SPIDR: variants seen among roughly 807,000 people sequenced by gnomAD.
The protein encoded by SPIDR is DNA repair-scaffolding protein.
Under a neutral mutation model 104.6 loss-of-function variants are expected in SPIDR, and 93 were observed. The observed-to-expected ratio is 0.89, with a 90% CI of 0.75 to 1.06. SPIDR has a LOEUF of 1.06. Among genes scored for constraint, SPIDR ranks in the 50% least tolerant of loss-of-function variants. The pLI is 0.00. For synonymous variants in SPIDR, 431 were observed against 416.9 expected (o/e 1.03, Z -0.41); for missense variants, 1,154 against 1,111.2 (o/e 1.04, Z -0.55).
intron 8 of SPIDR, among the ~76,000 whole-genome samples, chr8:47,552,358 A>G (rs934731712): frequency 3.1e-4 from 47 of 152,236 alleles, no homozygotes; most frequent in Middle Eastern, 3.4e-3. Flanking sequence ...TCTGTCTAAT[A>G]TTTACAGTGG....
intron 8 of SPIDR, among the ~76,000 whole-genome samples, chr8:47,477,235 T>C (rs2076393773): frequency 6.6e-6 from 1 of 152,136 alleles, no homozygotes; most frequent in African/African-American, 2.4e-5. Context: ...AGTCTCGCTC[T>C]GTTGCCCAGG....
chr8:47,729,466 G>GTAAGTGCAGGGGGCCCA lies in SPIDR; in HGVS notation c.2604+2_2604+18dup, dbSNP rs1563688029. On this transcript the variant is annotated splice_donor_variant, in intron 19 of 19. Coordinates refer to ENST00000297423, the MANE Select transcript of SPIDR (RefSeq NM_001080394.4). LOFTEE classifies it high-confidence loss of function. ...GAGGTTTGCCGCCGGTGAAGATGGG[G>GTAAGTGCAGGGGGCCCA]TAAGTGCAGGGGGCCCAGCCCAGGG... The GTAAGTGCAGGGGGCCCA allele has an allele frequency of 2.5e-6, 4 of 1,595,606 alleles. No homozygotes were observed. The highest frequency in any genetic ancestry group is 3.4e-6 in the Non-Finnish European group (4 of 1,172,254).
intron 16 of SPIDR, 136 bp downstream of exon 16, chr8:47,713,777 G>A (rs1308491226): frequency 1.7e-6 from 2 of 1,200,466 alleles, no homozygotes; most frequent in African/African-American, 3.1e-5. Context: ...AAGAACAAAA[G>A]CAGAAATTGT....
At chr8:47,278,661 G>A (rs2037091431) in intron 1 of SPIDR, among the ~76,000 whole-genome samples, 1 of 152,050 alleles carries the variant, frequency 6.6e-6, no homozygotes, top group Non-Finnish European at 1.5e-5. Context: ...AGGCTGGAGT[G>A]CAGTGGCAGG....
intron 8 of SPIDR, among the ~76,000 whole-genome samples, chr8:47,590,160 C>T (rs192515794): frequency 6.8e-6 from 1 of 146,776 alleles, no homozygotes; most frequent in Admixed American, 6.8e-5. Flanking sequence ...GGTGACAGAG[C>T]AAGACTCTGT....
At chr8:47,543,863 A>C (rs904886971) in intron 8 of SPIDR, among the ~76,000 whole-genome samples, 1 of 152,180 alleles carries the variant, frequency 6.6e-6, no homozygotes, top group South Asian at 2.1e-4. Flanking sequence ...TCAAAACTTC[A>C]AAGAGGGAGA....
At chr8:47,689,810 G>A (rs765398234) in intron 11 of SPIDR, among the ~76,000 whole-genome samples, 6 of 152,200 alleles carry the variant, frequency 3.9e-5, no homozygotes, top group African/African-American at 1.4e-4. Flanking sequence ...AAGGCCAGCC[G>A]TGGCACACTG....
rs538155784 is a variant in SPIDR, at chr8:47,592,162, A to G, written c.1098-3649A>G. The G allele has an allele frequency of 1.8e-3, 2,561 of 1,409,620 alleles. 8 individuals are homozygous for G. Among genetic ancestry groups the G allele is most frequent in the South Asian group, 2.2e-3 (188 of 86,418 alleles). 87.3% of individuals were successfully genotyped at this position (1,409,620 alleles called of 1,614,324 possible). A position where few individuals can be genotyped will look rare whatever the true frequency, so the allele number is the denominator to read the frequency against. On this transcript the variant is annotated intron_variant, in intron 8 of 19. Transcript: ENST00000297423. ...GATCAATTTAAATATTATTCATGGC[A>G]TATAGCCTAGTTCATGCTCTAGCTG...
intron 12 of SPIDR, 90 bp from the exon 13 acceptor site, chr8:47,701,631 T>C (rs2080197046): frequency 3.1e-6 from 4 of 1,274,608 alleles, no homozygotes; most frequent in Admixed American, 2.1e-5. Flanking sequence ...AGCAAATATG[T>C]ATATATTAAA....
intron 8 of SPIDR, among the ~76,000 whole-genome samples, chr8:47,479,222 G>A (rs2076610491): frequency 1.3e-5 from 2 of 151,948 alleles, no homozygotes; most frequent in Non-Finnish European, 2.9e-5. Context: ...TAGCTGGAGT[G>A]GTGGTGGGCG....
chr8:47,542,250 T>A (rs2088339373), intron 8 of SPIDR, among the ~76,000 whole-genome samples: 1 of 151,948 alleles, frequency 6.6e-6, no homozygotes, highest in South Asian at 2.1e-4. Context: ...ACTAAGATTG[T>A]GAAAGAGAAA....
At chr8:47,389,688 CAAAAAAA>C (rs11295388) in intron 5 of SPIDR, among the ~76,000 whole-genome samples, 232 of 62,024 alleles carry the variant, frequency 3.7e-3, no homozygotes, top group Non-Finnish European at 5.4e-3. Flanking sequence ...GACTCCATCT[CAAAAAAA>C]AAAAAAAAAA....
At chr8:47,318,826 T>G (rs2045938214) in intron 5 of SPIDR, among the ~76,000 whole-genome samples, 1 of 143,706 alleles carries the variant, frequency 7.0e-6, no homozygotes, top group South Asian at 2.3e-4. Flanking sequence ...AACCCAGAAT[T>G]TCATATCCAG....
chr8:47,642,801 T>A (rs536728024), intron 10 of SPIDR, among the ~76,000 whole-genome samples: 1 of 152,144 alleles, frequency 6.6e-6, no homozygotes, highest in East Asian at 1.9e-4. Context: ...CTTAGCTACT[T>A]GAGAGGCTGA....
At chr8:47,512,892 T>G (rs2082575904) in intron 8 of SPIDR, among the ~76,000 whole-genome samples, 1 of 152,206 alleles carries the variant, frequency 6.6e-6, no homozygotes, top group African/African-American at 2.4e-5. Flanking sequence ...TATTTGGCTT[T>G]TTACTGAACT....
intron 8 of SPIDR, among the ~76,000 whole-genome samples, chr8:47,494,348 G>A (rs2079140445): frequency 6.6e-6 from 1 of 151,038 alleles, no homozygotes; most frequent in South Asian, 2.1e-4. Flanking sequence ...GGAGTACAGT[G>A]GCACCATCAC....
At chr8:47,357,945 G>A (rs1315264137) in intron 5 of SPIDR, 22 of 754,796 alleles carry the variant, frequency 2.9e-5, no homozygotes, top group Non-Finnish European at 3.6e-5. Flanking sequence ...ATGTAGTCAC[G>A]AATATATGTG....
intron 8 of SPIDR, among the ~76,000 whole-genome samples, chr8:47,498,582 AG>A (rs1225657604): frequency 6.6e-6 from 1 of 152,168 alleles, no homozygotes; most frequent in African/African-American, 2.4e-5. Flanking sequence ...AAATAGGACC[AG>A]GATGAAGTTT....
intron 10 of SPIDR, among the ~76,000 whole-genome samples, chr8:47,672,829 T>G (rs1356625184): frequency 6.6e-6 from 1 of 152,254 alleles, no homozygotes; most frequent in Non-Finnish European, 1.5e-5. Context: ...CATGGTGAAC[T>G]AGCAATCCAA....
Sources: allele counts gnomAD v4.1 joint callset (sites outside exome capture counted in the v4.1 genomes callset), GRCh38; gene constraint gnomAD v4.1.1; transcripts MANE v1.5; gene names NCBI Gene and HGNC (gene_info 2026-07-23, HGNC 2026-07-21).